Variants in HIVEP2 observed in about 807,000 individuals in gnomAD.
The protein encoded by HIVEP2 is HIVEP zinc finger 2.
A neutral mutation model predicts 180.7 loss-of-function variants in HIVEP2; 14 were observed. That is an observed-to-expected ratio of 0.08 (90% confidence interval 0.05 to 0.12). The LOEUF (loss-of-function observed/expected upper bound fraction) is 0.12, where lower values mean the gene tolerates loss of function less well. HIVEP2 is among the 10% of genes least tolerant of loss of function. The pLI is 1.00. For missense variants in HIVEP2, 2,579 were observed against 3,008.5 expected (o/e 0.86, Z 3.34); for synonymous variants, 1,184 against 1,136.4 (o/e 1.04, Z -0.84).
intron 1 of HIVEP2, among the ~76,000 whole-genome samples, chr6:142,842,633 TG>T (rs1775397265): frequency 6.6e-6 from 1 of 152,160 alleles, no homozygotes; most frequent in Non-Finnish European, 1.5e-5. Context: ...GTAGAAAATG[TG>T]GCAAATATTT....
chr6:142,864,854 A>G (rs1393959003), intron 1 of HIVEP2, among the ~76,000 whole-genome samples: 1 of 152,204 alleles, frequency 6.6e-6, no homozygotes, highest in Non-Finnish European at 1.5e-5. Context: ...AAGAATTCAT[A>G]TAGCCAACCA....
At chr6:142,866,324 C>T (rs1183179505) in intron 1 of HIVEP2, among the ~76,000 whole-genome samples, 1 of 152,206 alleles carries the variant, frequency 6.6e-6, no homozygotes, top group Admixed American at 6.5e-5. Context: ...CTACCTGGCA[C>T]ACAGTAAGTG....
At chr6:142,822,290 A>G (rs1562251236) in intron 2 of HIVEP2, among the ~76,000 whole-genome samples, 1 of 152,220 alleles carries the variant, frequency 6.6e-6, no homozygotes, top group Non-Finnish European at 1.5e-5. Flanking sequence ...TACAAAGGAA[A>G]CCAATTACCA....
chr6:142,827,315 T>G (rs1425008514), intron 2 of HIVEP2, among the ~76,000 whole-genome samples: 1 of 152,222 alleles, frequency 6.6e-6, no homozygotes, highest in Admixed American at 6.5e-5. Context: ...TTTCTGAATT[T>G]TTCTTTAACA....
intron 8 of HIVEP2, 85 bp from the exon 9 acceptor site, chr6:142,760,752 G>A (rs1178382992): frequency 5.8e-6 from 6 of 1,028,084 alleles, no homozygotes; most frequent in South Asian, 3.4e-5. Flanking sequence ...CTTTCTAAAC[G>A]CTTTTCCCAA....
At chr6:142,940,070 T>C (rs999270044) in intron 1 of HIVEP2, among the ~76,000 whole-genome samples, 2 of 152,226 alleles carry the variant, frequency 1.3e-5, no homozygotes, top group African/African-American at 2.4e-5. Flanking sequence ...GGAGAAATTA[T>C]TGGGATACTT....
intron 2 of HIVEP2, among the ~76,000 whole-genome samples, chr6:142,834,113 A>G (rs940812919): frequency 2.0e-5 from 3 of 152,238 alleles, no homozygotes; most frequent in Non-Finnish European, 2.9e-5. Context: ...TCAAATCGTT[A>G]TAAGACCAGC....
intron 2 of HIVEP2, among the ~76,000 whole-genome samples, chr6:142,793,544 T>C (rs1226376388): frequency 6.6e-6 from 1 of 152,154 alleles, no homozygotes; most frequent in Non-Finnish European, 1.5e-5. Flanking sequence ...TATTTAGCAA[T>C]TAAAAAGGAA....
intron 2 of HIVEP2, among the ~76,000 whole-genome samples, chr6:142,817,280 T>C (rs530704595): frequency 1.3e-5 from 2 of 152,322 alleles, no homozygotes; most frequent in Admixed American, 1.3e-4. Flanking sequence ...GAATACTCTA[T>C]GGTTGTAGCC....
intron 1 of HIVEP2, among the ~76,000 whole-genome samples, chr6:142,882,628 G>C (rs571708395): frequency 1.5e-4 from 22 of 151,372 alleles, no homozygotes; most frequent in African/African-American, 3.6e-4. Context: ...AAACAGAAAG[G>C]GGGGGAGGGG....
intron 1 of HIVEP2, among the ~76,000 whole-genome samples, chr6:142,885,719 G>A (rs745531074): frequency 1.3e-5 from 2 of 152,144 alleles, no homozygotes; most frequent in Non-Finnish European, 2.9e-5. Flanking sequence ...GAGAGTTGAA[G>A]TTTAAGCTTC....
intron 1 of HIVEP2, among the ~76,000 whole-genome samples, chr6:142,924,372 G>A (rs1562294204): frequency 6.6e-6 from 1 of 152,158 alleles, no homozygotes; most frequent in Non-Finnish European, 1.5e-5. Flanking sequence ...CACCGTTCTA[G>A]GCATTAGGCA....
chr6:142,801,213 G>T (rs567184184), intron 2 of HIVEP2, among the ~76,000 whole-genome samples: 1 of 133,248 alleles, frequency 7.5e-6, no homozygotes, highest in African/African-American at 2.8e-5. Flanking sequence ...AAAAAAAAAC[G>T]AGGGAATACA....
chr6:142,883,312 C>T (rs920087469), intron 1 of HIVEP2, among the ~76,000 whole-genome samples: 5 of 151,836 alleles, frequency 3.3e-5, no homozygotes, highest in South Asian at 2.1e-4. Flanking sequence ...CCCATCAGCA[C>T]GCAGCCTTGA....
chr6:142,910,994 T>C (rs1440450298), intron 1 of HIVEP2, among the ~76,000 whole-genome samples: 1 of 152,154 alleles, frequency 6.6e-6, no homozygotes, highest in Non-Finnish European at 1.5e-5. Flanking sequence ...TCTATTTTAC[T>C]ACCAGTCTGC....
chr6:142,941,459 C>G (rs1236028084), intron 1 of HIVEP2, among the ~76,000 whole-genome samples: 2 of 152,186 alleles, frequency 1.3e-5, no homozygotes, highest in Admixed American at 1.3e-4. Flanking sequence ...AATACTACTT[C>G]TCATACAATT....
intron 2 of HIVEP2, among the ~76,000 whole-genome samples, chr6:142,812,953 C>T (rs1028146695): frequency 1.3e-5 from 2 of 152,058 alleles, no homozygotes; most frequent in Non-Finnish European, 2.9e-5. Flanking sequence ...CTTGGCCCTA[C>T]TTGAAGTCCA....
intron 1 of HIVEP2, among the ~76,000 whole-genome samples, chr6:142,918,726 T>G (rs533387957): frequency 3.9e-4 from 59 of 152,220 alleles, no homozygotes; most frequent in Non-Finnish European, 7.6e-4. Flanking sequence ...TGTAATTTTT[T>G]GAAGACAAGG....
intron 1 of HIVEP2, among the ~76,000 whole-genome samples, chr6:142,941,271 C>T (rs376366903): frequency 2.6e-5 from 4 of 152,162 alleles, no homozygotes; most frequent in South Asian, 4.1e-4. Flanking sequence ...CTCTTTCCCA[C>T]GACGATTTTG....
Sources: gnomAD v4.1 joint callset for allele counts (sites outside exome capture counted in the v4.1 genomes callset) on GRCh38, gnomAD v4.1.1 for gene constraint, MANE v1.5 for transcripts, NCBI Gene and HGNC (gene_info 2026-07-23, HGNC 2026-07-21) for gene names.